The following GPR15LG variants were observed in gnomAD, a reference collection of about 807,000 sequenced individuals.
The protein encoded by GPR15LG is G protein-coupled receptor 15 ligand.
At chr10:84,184,945 T>C in the GPR15LG span, 49 of 1,452,652 alleles carry the variant, frequency 3.4e-5, no homozygotes, top group Non-Finnish European at 4.1e-5. Context: ...GTCTCAATTG[T>C]GCCATCAACT....
chr10:84,180,177 CAG>C, the GPR15LG span, among the ~76,000 whole-genome samples: 1,164 of 152,372 alleles, frequency 7.6e-3, 2 homozygotes, highest in African/African-American at 0.026. Flanking sequence ...GCACATGTTT[CAG>C]AGAGCACAGG....
At chr10:84,173,920 A>G in the GPR15LG span, 4 of 1,610,490 alleles carry the variant, frequency 2.5e-6, no homozygotes, top group Non-Finnish European at 3.4e-6. Flanking sequence ...TCTCCACAGA[A>G]GGTAGGGCAG....
chr10:84,176,827 G>A, the GPR15LG span, among the ~76,000 whole-genome samples: 1 of 152,208 alleles, frequency 6.6e-6, no homozygotes, highest in African/African-American at 2.4e-5. Context: ...TACTTTAGGT[G>A]GGAGGTGTCT....
the GPR15LG span, among the ~76,000 whole-genome samples, chr10:84,175,107 A>G: frequency 1.3e-5 from 2 of 152,182 alleles, no homozygotes; most frequent in African/African-American, 4.8e-5. Flanking sequence ...AATGCTTATG[A>G]TTGAAGATAT....
At chr10:84,174,675 T>C in the GPR15LG span, among the ~76,000 whole-genome samples, 1 of 151,946 alleles carries the variant, frequency 6.6e-6, no homozygotes, top group African/African-American at 2.4e-5. Context: ...GTATTTTTAG[T>C]ACAGACAGGT....
At chr10:84,184,124 A>G in the GPR15LG span, among the ~76,000 whole-genome samples, 1 of 151,384 alleles carries the variant, frequency 6.6e-6, no homozygotes, top group Non-Finnish European at 1.5e-5. Context: ...GTTCGTGACT[A>G]GCCTAGGCGA....
the GPR15LG span, chr10:84,174,049 A>G: frequency 1.4e-6 from 1 of 734,016 alleles, no homozygotes; most frequent in Non-Finnish European, 2.4e-6. Flanking sequence ...CCCCGGAAAG[A>G]TGGGCTCTTT....
the GPR15LG span, among the ~76,000 whole-genome samples, chr10:84,180,835 G>A: frequency 3.3e-5 from 5 of 152,334 alleles, no homozygotes; most frequent in East Asian, 3.9e-4. Flanking sequence ...CTGCAATCCC[G>A]GCACCTCGGG....
At chr10:84,184,790 C>T in the GPR15LG span, 143 of 1,613,202 alleles carry the variant, frequency 8.9e-5, no homozygotes, top group Non-Finnish European at 1.1e-4. Flanking sequence ...AGACTCCAGA[C>T]AGCGGAGAAC....
the GPR15LG span, chr10:84,185,135 A>G: frequency 9.5e-7 from 1 of 1,049,100 alleles, no homozygotes; most frequent in Non-Finnish European, 1.2e-6. Flanking sequence ...AAGACTGCAG[A>G]GTCTCCTCCA....
At chr10:84,177,180 G>T in the GPR15LG span, among the ~76,000 whole-genome samples, 13 of 152,230 alleles carry the variant, frequency 8.5e-5, no homozygotes, top group Non-Finnish European at 1.8e-4. Flanking sequence ...AGAAGAGCAA[G>T]GCTGCCCTCT....
the GPR15LG span, among the ~76,000 whole-genome samples, chr10:84,179,918 T>C: frequency 6.6e-6 from 1 of 150,920 alleles, no homozygotes; most frequent in Admixed American, 6.6e-5. Flanking sequence ...TTCTTGGGTG[T>C]TTCTTGGAGA....
the GPR15LG span, among the ~76,000 whole-genome samples, chr10:84,179,377 C>A: frequency 6.6e-6 from 1 of 152,204 alleles, no homozygotes; most frequent in African/African-American, 2.4e-5. Flanking sequence ...AGGAGATGAG[C>A]AACTCCAACA....
At chr10:84,177,467 G>A in the GPR15LG span, among the ~76,000 whole-genome samples, 17 of 152,342 alleles carry the variant, frequency 1.1e-4, no homozygotes, top group African/African-American at 3.4e-4. Context: ...GGCTGAGGAG[G>A]TCCCGGCCCC....
chr10:84,176,934 G>A, the GPR15LG span, among the ~76,000 whole-genome samples: 1 of 152,104 alleles, frequency 6.6e-6, no homozygotes, highest in African/African-American at 2.4e-5. Context: ...GGCAGCAAGG[G>A]TGAAGGGCAA....
chr10:84,178,764 G>A, the GPR15LG span, among the ~76,000 whole-genome samples: 2 of 152,212 alleles, frequency 1.3e-5, no homozygotes, highest in African/African-American at 4.8e-5. Context: ...ATCTAGGTGT[G>A]TGGCTTCTGT....
the GPR15LG span, among the ~76,000 whole-genome samples, chr10:84,174,339 C>T: frequency 6.6e-6 from 1 of 151,996 alleles, no homozygotes; most frequent in Non-Finnish European, 1.5e-5. Context: ...TCTGAACATC[C>T]CAAAACCTCA....
the GPR15LG span, among the ~76,000 whole-genome samples, chr10:84,179,236 T>C: frequency 1.3e-5 from 2 of 152,204 alleles, no homozygotes; most frequent in Non-Finnish European, 2.9e-5. Context: ...TCTGCCTCAC[T>C]GGACCATGAT....
the GPR15LG span, among the ~76,000 whole-genome samples, chr10:84,184,258 T>G: frequency 6.6e-6 from 1 of 152,184 alleles, no homozygotes; most frequent in East Asian, 1.9e-4. Flanking sequence ...TGTCAAAAGA[T>G]GCAAATGTAG....
Sources: gnomAD v4.1 joint callset for allele counts (sites outside exome capture counted in the v4.1 genomes callset) on GRCh38, gnomAD v4.1.1 for gene constraint, MANE v1.5 for transcripts, NCBI Gene and HGNC (gene_info 2026-07-23, HGNC 2026-07-21) for gene names.